The following NDE1 variants were observed in gnomAD, a reference collection of about 807,000 sequenced individuals.
The protein encoded by NDE1 is nuclear distribution protein nudE homolog 1.
A neutral mutation model predicts 43.4 loss-of-function variants in NDE1; 28 were observed. The ratio of observed to expected loss-of-function variants is 0.65; its 90% CI spans 0.48 to 0.89. The LOEUF (loss-of-function observed/expected upper bound fraction) is 0.89. Ranked by LOEUF, NDE1 falls within the 40% of genes least tolerant of loss-of-function variation. The probability of loss-of-function intolerance (pLI) is 0.00; values close to 1 mark genes in which losing one functional copy is unlikely to be tolerated. For synonymous variants in NDE1, 184 were observed against 172.0 expected (o/e 1.07, Z -0.55); for missense variants, 441 against 434.1 (o/e 1.02, Z -0.14).
chr16:15,670,832 T>C (rs1325506624), intron 3 of NDE1, among the ~76,000 whole-genome samples: 3 of 152,020 alleles, frequency 2.0e-5, no homozygotes, highest in East Asian at 1.9e-4. Flanking sequence ...GGGTGGACCT[T>C]GGCAAGCCCA....
chr16:15,689,017 T>G (rs2038594438), intron 5 of NDE1, among the ~76,000 whole-genome samples: 1 of 152,062 alleles, frequency 6.6e-6, no homozygotes, highest in South Asian at 2.1e-4. Flanking sequence ...ATTTATAACG[T>G]CGATTTGCTT....
intron 1 of NDE1, among the ~76,000 whole-genome samples, chr16:15,663,447 T>C (rs955673065): frequency 5.9e-5 from 9 of 151,752 alleles, no homozygotes; most frequent in African/African-American, 2.2e-4. Flanking sequence ...TTTCACCATA[T>C]TGGCCAGGCT....
At chr16:15,645,981 G>A (rs1196847616), upstream of NDE1, among the ~76,000 whole-genome samples, 1 of 152,136 alleles carries the variant, frequency 6.6e-6, no homozygotes, top group Non-Finnish European at 1.5e-5. Context: ...AAGCTACAAG[G>A]AAAACAAATT....
chr16:15,707,639 G>A (rs976033510), intron 8 of NDE1, among the ~76,000 whole-genome samples: 16 of 152,198 alleles, frequency 1.1e-4, no homozygotes, highest in African/African-American at 3.6e-4. Flanking sequence ...ACAAATGAGG[G>A]TTGGTTTGGC....
At position 15,721,137 on chromosome 16, in the gene NDE1, G is replaced by C; in HGVS notation, c.948-3054G>C. The C allele has an allele frequency of 3.4e-6, 5 of 1,451,162 alleles. No homozygotes were observed. The South Asian group carries it at 3.5e-5, about 10-fold the overall frequency. 89.9% of individuals were successfully genotyped at this position (1,451,162 alleles called of 1,614,324 possible). A position where few individuals can be genotyped will look rare whatever the true frequency, so the allele number is the denominator to read the frequency against. On this transcript the variant is annotated intron_variant, in intron 8 of 8. Coordinates refer to ENST00000396354, the MANE Select transcript of NDE1 (RefSeq NM_017668.3). ...ACCCACCGTGAGCGGCACCTCAGGA[G>C]ATCAGGGAGGTGGCTTTGGCCTCCC... is the stretch of plus-strand genomic sequence containing the variant.
At chr16:15,691,723 C>T (rs942800504) in intron 6 of NDE1, among the ~76,000 whole-genome samples, 1 of 151,422 alleles carries the variant, frequency 6.6e-6, no homozygotes, top group Non-Finnish European at 1.5e-5. Context: ...TCACTGCAAC[C>T]TCTTCATCGT....
intron 7 of NDE1, among the ~76,000 whole-genome samples, chr16:15,696,348 C>A (rs1229897914): frequency 6.6e-6 from 1 of 151,604 alleles, no homozygotes; most frequent in African/African-American, 2.4e-5. Context: ...TGCACTCCAG[C>A]CTGGGTGACA....
At chr16:15,693,901 C>T (rs1299890490) in intron 6 of NDE1, among the ~76,000 whole-genome samples, 1 of 152,160 alleles carries the variant, frequency 6.6e-6, no homozygotes, top group African/African-American at 2.4e-5. Context: ...GATCACATCA[C>T]CGCACTCCAG....
At chr16:15,672,277 A>G (rs1483318459) in intron 3 of NDE1, among the ~76,000 whole-genome samples, 1 of 152,008 alleles carries the variant, frequency 6.6e-6, no homozygotes, top group Non-Finnish European at 1.5e-5. Flanking sequence ...TACTAAAAAT[A>G]AAAAAATTAG....
intron 1 of NDE1, among the ~76,000 whole-genome samples, chr16:15,662,217 G>T (rs961545210): frequency 6.6e-6 from 1 of 151,404 alleles, no homozygotes; most frequent in East Asian, 1.9e-4. Flanking sequence ...GGGATTATAC[G>T]TGTGAGCCAC....
chr16:15,724,512 A>C lies in NDE1; in HGVS notation c.*261A>C, dbSNP rs1244167605. On this transcript the variant is annotated 3_prime_UTR_variant, in exon 9 of 9. Coordinates refer to ENST00000396354, the MANE Select transcript of NDE1 (RefSeq NM_017668.3). ...AGCGAAGACCATGTCTCCTCGTTGG[A>C]GAAACCCAATAGCAGGGGAAGCTGG... The C allele has an allele frequency of 8.7e-6, 14 of 1,608,038 alleles. No individual in the cohort carries two copies. The highest frequency in any genetic ancestry group is 1.1e-5 in the Non-Finnish European group (13 of 1,177,712).
chr16:15,644,801 A>G (rs938732277), intron 1 of NDE1, among the ~76,000 whole-genome samples: 6 of 152,220 alleles, frequency 3.9e-5, no homozygotes, highest in African/African-American at 1.4e-4. Flanking sequence ...GTTTCAACAC[A>G]AGCCATATTA....
At chr16:15,649,161 A>T (rs989544484), upstream of NDE1, among the ~76,000 whole-genome samples, 3 of 152,220 alleles carry the variant, frequency 2.0e-5, no homozygotes, top group Non-Finnish European at 4.4e-5. Flanking sequence ...ACGCCACTGC[A>T]TTCCAGCCTG....
rs1360459460 is a variant in NDE1 at position 15,696,727 on chromosome 16, G to A, written c.814G>A (p.Ala272Thr). 1.1e-5 allele frequency: 18 copies of A among 1,614,006 alleles called. No individual in the cohort carries two copies. Among genetic ancestry groups the A allele is most frequent in the African/African-American group, 5.3e-5 (4 of 74,912 alleles). Residue 272 changes from alanine to threonine, a missense_variant, in exon 8 of 9, where the codon GCT (alanine) becomes ACT (threonine). By Grantham distance (58) the Ala-to-Thr change is moderately conservative. Transcript: ENST00000396354. ...TGTCCAGGCACTGGAGTCCAAACTC[G>A]CTTCCTGCCGGAACCTCGTGTACGA... Reference protein sequence around the residue: ...RKVGALESKLASCRNLVYDQS... With the variant: ...RKVGALESKLTSCRNLVYDQS...
At chr16:15,696,244 G>C (rs530879172) in intron 7 of NDE1, among the ~76,000 whole-genome samples, 1 of 151,282 alleles carries the variant, frequency 6.6e-6, no homozygotes, top group Non-Finnish European at 1.5e-5. Context: ...GCATGATTGC[G>C]GATGCCTATA....
chr16:15,717,909 C>A (rs574425629), intron 8 of NDE1: 29 of 317,114 alleles, frequency 9.1e-5, no homozygotes, highest in African/African-American at 5.7e-4. Flanking sequence ...CACCCTACAC[C>A]ACAAGGGGCT....
intron 8 of NDE1, among the ~76,000 whole-genome samples, chr16:15,710,664 C>T (rs2039730429): frequency 6.6e-6 from 1 of 151,874 alleles, no homozygotes; most frequent in Admixed American, 6.6e-5. Context: ...GCCAGCAGAG[C>T]ACATCTGAGG....
intron 7 of NDE1, chr16:15,694,756 C>T (rs952290194): frequency 1.6e-5 from 16 of 985,362 alleles, no homozygotes; most frequent in African/African-American, 8.7e-5. Flanking sequence ...AGCTCTGACT[C>T]GAAGCCCTGC....
At chr16:15,677,262 A>G (rs2037931135) in intron 3 of NDE1, among the ~76,000 whole-genome samples, 1 of 151,744 alleles carries the variant, frequency 6.6e-6, no homozygotes. Flanking sequence ...CCACCCAGGG[A>G]GTGTGGTGGG....
Sources: gnomAD v4.1 joint callset for allele counts (sites outside exome capture counted in the v4.1 genomes callset) on GRCh38, gnomAD v4.1.1 for gene constraint, MANE v1.5 for transcripts, NCBI Gene and HGNC (gene_info 2026-07-23, HGNC 2026-07-21) for gene names.